The following MME variants were observed in gnomAD, a reference collection of about 807,000 sequenced individuals.
The protein encoded by MME is membrane metalloendopeptidase.
In MME, 98 loss-of-function variants were observed where a neutral mutation model predicts 113.2. That is an observed-to-expected ratio of 0.87 (90% confidence interval 0.74 to 1.02). The LOEUF (loss-of-function observed/expected upper bound fraction) is 1.02. Ranked by LOEUF, MME falls within the 50% of genes least tolerant of loss-of-function variation. The pLI, the probability that MME is intolerant of heterozygous loss-of-function variation, is 0.00. For missense variants in MME, 836 were observed against 896.0 expected (o/e 0.93, Z 0.86); for synonymous variants, 292 against 300.6 (o/e 0.97, Z 0.30).
intron 1 of MME, among the ~76,000 whole-genome samples, chr3:155,046,442 C>G (rs1445798792): frequency 6.6e-6 from 1 of 152,162 alleles, no homozygotes; most frequent in African/African-American, 2.4e-5. Context: ...AATCCCAGCA[C>G]TTTGGGAGGC....
chr3:155,149,131 A>G (rs1721739016), intron 16 of MME, among the ~76,000 whole-genome samples: 1 of 152,202 alleles, frequency 6.6e-6, no homozygotes, highest in Non-Finnish European at 1.5e-5. Context: ...AGGAGATACT[A>G]GGAACCATTC....
intron 8 of MME, among the ~76,000 whole-genome samples, chr3:155,127,020 A>G (rs1262519501): frequency 6.6e-6 from 1 of 151,940 alleles, no homozygotes; most frequent in Non-Finnish European, 1.5e-5. Context: ...AAAAAAAAAA[A>G]AAAAAGAAAG....
At chr3:155,146,212 T>C (rs1721490346) in intron 14 of MME, among the ~76,000 whole-genome samples, 2 of 152,184 alleles carry the variant, frequency 1.3e-5, no homozygotes, top group East Asian at 1.9e-4. Flanking sequence ...TTTAAAATAA[T>C]TAAAAATGAA....
chr3:155,037,923 T>C (rs1713177967), intron 1 of MME, among the ~76,000 whole-genome samples: 1 of 152,028 alleles, frequency 6.6e-6, no homozygotes, highest in Admixed American at 6.6e-5. Context: ...CACCACTCTT[T>C]AGCTGCGTGT....
Position 155,157,448 on chromosome 3 carries a change from A to C in MME, c.1602-2942A>C, listed in dbSNP as rs73875836. On this transcript the variant is annotated intron_variant, in intron 16 of 22. Coordinates refer to ENST00000360490, the MANE Select transcript of MME (RefSeq NM_007289.4). ...TAGGGGCAAGAATCACCACCATTTC[A>C]CTTTCTCTTTGTGAATTTTCTCTTC... 5.9e-3 allele frequency among the ~76,000 whole-genome samples: 896 copies of C among 152,256 alleles called. 8 individuals are homozygous for C. The highest frequency in any genetic ancestry group is 0.021 in the African/African-American group (864 of 41,584).
intron 16 of MME, among the ~76,000 whole-genome samples, chr3:155,149,477 A>G (rs78041420): frequency 0.011 from 1,692 of 152,274 alleles, 95 homozygotes; most frequent in Admixed American, 0.097. Flanking sequence ...ACACAGTAAC[A>G]TGCCAAAGAG....
At chr3:155,084,102 G>C (rs1715424462) in intron 1 of MME, 56 bp from the exon 2 acceptor site, 2 of 1,372,276 alleles carry the variant, frequency 1.5e-6, no homozygotes, top group Non-Finnish European at 2.1e-6. Context: ...TAAGCATTTG[G>C]ACATTTTCTT....
chr3:155,070,951 C>A (rs1714529906), intron 1 of MME, among the ~76,000 whole-genome samples: 1 of 152,120 alleles, frequency 6.6e-6, no homozygotes, highest in African/African-American at 2.4e-5. Context: ...GTATTCAATA[C>A]CCTGCTCTCG....
chr3:155,164,362 A>G (rs1722938610), intron 17 of MME, among the ~76,000 whole-genome samples: 1 of 152,230 alleles, frequency 6.6e-6, no homozygotes, highest in East Asian at 1.9e-4. Flanking sequence ...ACTTGTTGAC[A>G]ATCATGAACA....
chr3:155,180,355 C>G lies in MME; in HGVS notation c.2154-5C>G. The stretch of plus-strand genomic sequence containing the variant: ...TGACGGTGACTTTTTTTGTTTGTTT[C>G]AAAGGATTATTGGGACTTTGCAGAA... On this transcript the variant is annotated splice_region_variant and splice_polypyrimidine_tract_variant and intron_variant, in intron 22 of 22. Transcript: ENST00000360490. 1.2e-6 allele frequency: 2 copies of G among 1,611,822 alleles called. No homozygotes were observed. Among genetic ancestry groups the G allele is most frequent in the Non-Finnish European group, 8.5e-7 (1 of 1,178,088 alleles).
intron 8 of MME, among the ~76,000 whole-genome samples, chr3:155,134,763 A>C (rs1720489631): frequency 6.6e-6 from 1 of 152,134 alleles, no homozygotes; most frequent in Non-Finnish European, 1.5e-5. Context: ...CACAGTGTAT[A>C]AGTGTTCCCT....
chr3:155,169,069 G>A (rs1354455647), intron 20 of MME, among the ~76,000 whole-genome samples: 1 of 152,066 alleles, frequency 6.6e-6, no homozygotes, highest in African/African-American at 2.4e-5. Context: ...GAGAGAGCAG[G>A]TTCACAAAGG....
At chr3:155,068,481 A>C (rs1008653693) in intron 1 of MME, among the ~76,000 whole-genome samples, 25 of 152,242 alleles carry the variant, frequency 1.6e-4, no homozygotes, top group African/African-American at 6.0e-4. Context: ...TGTTGAAGCC[A>C]AAATAATTCC....
intron 22 of MME, among the ~76,000 whole-genome samples, chr3:155,179,437 G>A (rs1216110343): frequency 6.6e-6 from 1 of 152,108 alleles, no homozygotes; most frequent in Non-Finnish European, 1.5e-5. Context: ...ATGGTTGGAG[G>A]AGAGAGAAGT....
chr3:155,164,427 G>C (rs887066150), intron 17 of MME, among the ~76,000 whole-genome samples: 15 of 152,240 alleles, frequency 9.9e-5, no homozygotes, highest in Admixed American at 7.2e-4. Context: ...ATGCCTACTA[G>C]GTAACAGCAA....
chr3:155,150,797 T>A (rs997851162), intron 16 of MME, among the ~76,000 whole-genome samples: 2 of 152,226 alleles, frequency 1.3e-5, no homozygotes, highest in African/African-American at 4.8e-5. Context: ...TTTCACAAGA[T>A]GATGCCTTTA....
intron 1 of MME, among the ~76,000 whole-genome samples, chr3:155,033,915 A>G (rs1464527471): frequency 6.6e-6 from 1 of 152,214 alleles, no homozygotes; most frequent in Non-Finnish European, 1.5e-5. Context: ...GAGGCAATAT[A>G]GAATTCAATT....
intron 3 of MME, among the ~76,000 whole-genome samples, chr3:155,100,307 A>G (rs550096110): frequency 3.9e-5 from 6 of 152,238 alleles, no homozygotes; most frequent in Admixed American, 6.5e-5. Flanking sequence ...AAAAATGCTC[A>G]TCATCACTGG....
At position 155,084,210 on chromosome 3, in the gene MME, A is replaced by G; in HGVS notation, c.43A>G (p.Thr15Ala). ...ESQMDITDINTPKPKKKQRWT... is the reference protein window; with the variant it reads ...ESQMDITDINAPKPKKKQRWT... ...TCAGATGGATATAACTGATATCAACACTCCAAAGCCAAAGAAGAAACAGCG... is the reference window on the plus strand; with the variant it reads ...TCAGATGGATATAACTGATATCAACGCTCCAAAGCCAAAGAAGAAACAGCG... The change falls in exon 2 of 23, where the codon ACT becomes GCT. Residue 15 changes from threonine (T) to alanine (A), a missense_variant. By Grantham distance (58) the Thr-to-Ala change is moderately conservative. Transcript: ENST00000360490. 1 of 1,614,114 alleles carries G rather than the reference A, an allele frequency of 6.2e-7. No individual in the cohort carries two copies. Among genetic ancestry groups the G allele is most frequent in the South Asian group, 1.1e-5 (1 of 91,078 alleles).
Sources: allele counts gnomAD v4.1 joint callset (sites outside exome capture counted in the v4.1 genomes callset), GRCh38; gene constraint gnomAD v4.1.1; transcripts MANE v1.5; gene names NCBI Gene and HGNC (gene_info 2026-07-23, HGNC 2026-07-21).